Variants in EIPR1 observed in about 807,000 individuals in gnomAD.
The protein encoded by EIPR1 is EARP and GARP complex-interacting protein 1.
Under a neutral mutation model 48.1 loss-of-function variants are expected in EIPR1, and 25 were observed. The ratio of observed to expected loss-of-function variants is 0.52; its 90% CI spans 0.38 to 0.73. The LOEUF is 0.73. EIPR1 is among the 30% of genes least tolerant of loss of function. The pLI is 0.00. For synonymous variants in EIPR1, 204 were observed against 201.9 expected (o/e 1.01, Z -0.09); for missense variants, 415 against 506.2 (o/e 0.82, Z 1.73).
At chr2:3,214,388 A>T in intron 4 of EIPR1, 140 bp from the exon 5 acceptor site, 2 of 682,254 alleles carry the variant, frequency 2.9e-6, no homozygotes, top group Non-Finnish European at 4.9e-6. Context: ...TTACACTGTC[A>T]CCCGGCAATG....
chr2:3,287,074 G>A (rs899901731), intron 3 of EIPR1, among the ~76,000 whole-genome samples: 8 of 151,730 alleles, frequency 5.3e-5, no homozygotes, highest in East Asian at 1.9e-4. Flanking sequence ...AGTACCAGCC[G>A]GCAGAGGGGG....
intron 1 of EIPR1, among the ~76,000 whole-genome samples, chr2:3,361,360 A>G (rs920746366): frequency 1.3e-5 from 2 of 152,000 alleles, no homozygotes; most frequent in Non-Finnish European, 2.9e-5. Flanking sequence ...ACAGGTCCCC[A>G]AGGAAACAGA....
chr2:3,271,022 T>C (rs1667687082), intron 3 of EIPR1, among the ~76,000 whole-genome samples: 1 of 152,228 alleles, frequency 6.6e-6, no homozygotes, highest in Admixed American at 6.5e-5. Flanking sequence ...ATTTCAACAG[T>C]GTTCACAGCA....
intron 2 of EIPR1, among the ~76,000 whole-genome samples, chr2:3,348,000 G>T (rs991573034): frequency 3.3e-5 from 5 of 152,180 alleles, no homozygotes; most frequent in African/African-American, 1.2e-4. Flanking sequence ...CTAGAGTGGG[G>T]CTGGGAATCT....
chr2:3,320,345 T>C, intron 3 of EIPR1: 1 of 159,942 alleles, frequency 6.3e-6, no homozygotes, highest in Non-Finnish European at 1.4e-5. Context: ...GCACGACACC[T>C]GTGGGCAACA....
intron 3 of EIPR1, among the ~76,000 whole-genome samples, chr2:3,288,230 A>G (rs1339868094): frequency 6.6e-6 from 1 of 152,190 alleles, no homozygotes; most frequent in Non-Finnish European, 1.5e-5. Context: ...TGCTATTTCC[A>G]AGCCCTGCCT....
intron 4 of EIPR1, among the ~76,000 whole-genome samples, chr2:3,255,748 CAG>C (rs886107401): frequency 2.6e-5 from 4 of 152,340 alleles, no homozygotes; most frequent in South Asian, 2.1e-4. Flanking sequence ...CTGACCTGCG[CAG>C]AGTCTCACTC....
At position 3,192,494 on chromosome 2, in the gene EIPR1, C is replaced by A; in HGVS notation, c.909G>T (p.Val303=). ...SDSRVILSNM[V]SISSEPFGHL... is the part of the protein sequence containing the mutation. ...GGCCGAAGGGCTCCGACGAGATGGACACCATGTTGGAAAGGATGACTCTGC... is the reference window on the plus strand; with the variant it reads ...GGCCGAAGGGCTCCGACGAGATGGAAACCATGTTGGAAAGGATGACTCTGC... Residue 303 remains valine (V), a synonymous_variant, in exon 8 of 9, where the codon GTG becomes GTT. Transcript: ENST00000382125. 6.2e-7 allele frequency: 1 copy of A among 1,613,024 alleles called. No homozygotes were observed. Among genetic ancestry groups the A allele is most frequent in the Non-Finnish European group, 8.5e-7 (1 of 1,179,788 alleles).
In EIPR1 at chr2:3,257,394, T is replaced by G; in HGVS notation, c.321A>C (p.Ser107=). The G allele has an allele frequency of 6.2e-7, 1 of 1,614,204 alleles. No homozygotes were observed. Among genetic ancestry groups the G allele is most frequent in the Non-Finnish European group, 8.5e-7 (1 of 1,180,036 alleles). The change falls in exon 4 of 9, where the codon TCA becomes TCC. Residue 107 remains serine, a synonymous_variant. Coordinates refer to ENST00000382125, the MANE Select transcript of EIPR1 (RefSeq NM_003310.5). The part of the protein sequence containing the change: ...AVWRMPKELE[S]GSHESPDDSS... The stretch of plus-strand genomic sequence containing the variant: ...AATCATCAGGGGACTCGTGGCTGCC[T>G]GATTCCAATTCCTTCGGCATCCTCC...
chr2:3,294,277 TC>T (rs1362031866), intron 3 of EIPR1, among the ~76,000 whole-genome samples: 1 of 150,870 alleles, frequency 6.6e-6, no homozygotes, highest in Non-Finnish European at 1.5e-5. Context: ...CAGCCCATCC[TC>T]CCTACACACA....
chr2:3,252,223 G>A (rs973711840), intron 4 of EIPR1, among the ~76,000 whole-genome samples: 7 of 152,296 alleles, frequency 4.6e-5, no homozygotes, highest in Admixed American at 1.3e-4. Flanking sequence ...GAGGCTCAGC[G>A]TCCACAGAGA....
chr2:3,337,658 A>C (rs987477667), intron 3 of EIPR1, among the ~76,000 whole-genome samples: 3 of 152,164 alleles, frequency 2.0e-5, no homozygotes, highest in African/African-American at 7.2e-5. Flanking sequence ...GAGCACTGGA[A>C]GACAGTCACC....
intron 3 of EIPR1, among the ~76,000 whole-genome samples, chr2:3,267,099 C>A (rs1019780333): frequency 6.6e-6 from 1 of 152,206 alleles, no homozygotes; most frequent in East Asian, 1.9e-4. Context: ...CAAGCAGGGA[C>A]CCGGAAGCTG....
At chr2:3,287,274 CCA>C (rs1668219354) in intron 3 of EIPR1, among the ~76,000 whole-genome samples, 1 of 129,384 alleles carries the variant, frequency 7.7e-6, no homozygotes, top group South Asian at 2.4e-4. Context: ...AGCTCATTCA[CCA>C]CACTCCAGAA....
intron 2 of EIPR1, among the ~76,000 whole-genome samples, chr2:3,351,416 C>T (rs1278337180): frequency 1.3e-5 from 2 of 152,216 alleles, no homozygotes. Context: ...CAGTAATTTA[C>T]TCATAACTAT....
chr2:3,323,690 C>T (rs1032612053), intron 3 of EIPR1, among the ~76,000 whole-genome samples: 3 of 152,180 alleles, frequency 2.0e-5, no homozygotes, highest in East Asian at 1.9e-4. Flanking sequence ...GGTGGCAAGA[C>T]GTGAAGACAC....
At chr2:3,337,402 T>C (rs1670099280) in intron 3 of EIPR1, among the ~76,000 whole-genome samples, 2 of 152,300 alleles carry the variant, frequency 1.3e-5, no homozygotes, top group South Asian at 2.1e-4. Context: ...GCTTACATGG[T>C]AGAGAAAGAG....
chr2:3,363,702 A>T (rs906883785), intron 1 of EIPR1, among the ~76,000 whole-genome samples: 3 of 152,074 alleles, frequency 2.0e-5, no homozygotes, highest in African/African-American at 7.2e-5. Flanking sequence ...TAAATATATA[A>T]GAAAAGAAAA....
chr2:3,293,643 G>T (rs1160956912), intron 3 of EIPR1, among the ~76,000 whole-genome samples: 1 of 152,224 alleles, frequency 6.6e-6, no homozygotes, highest in Non-Finnish European at 1.5e-5. Context: ...TGTGGTGACA[G>T]TCCTCCCGGG....
Sources: gnomAD v4.1 joint callset for allele counts (sites outside exome capture counted in the v4.1 genomes callset) on GRCh38, gnomAD v4.1.1 for gene constraint, MANE v1.5 for transcripts, NCBI Gene and HGNC (gene_info 2026-07-23, HGNC 2026-07-21) for gene names.